Variants in DAB1 observed in about 807,000 individuals in gnomAD.
DAB1 encodes DAB adaptor protein 1.
DAB1 carries 15 observed loss-of-function variants against 64.6 expected under a neutral mutation model. The ratio of observed to expected loss-of-function variants is 0.23; its 90% CI spans 0.16 to 0.36. The LOEUF is 0.36. Among genes scored for constraint, DAB1 ranks in the 10% least tolerant of loss-of-function variants. The pLI is 1.00. For synonymous variants in DAB1, 235 were observed against 251.9 expected (o/e 0.93, Z 0.64); for missense variants, 596 against 706.7 (o/e 0.84, Z 1.78).
At position 58,490,017 on chromosome 1, in the gene DAB1, T is replaced by C. The variant is rs543403318; in HGVS notation, n.257+16043A>G. ...AAAAACAGAGCAGAAAAACTGAAAA[T>C]TCTAAAAATCAGAGTGCCTCTCCTC... is the stretch of plus-strand genomic sequence containing the variant. On this transcript the variant is annotated intron_variant and non_coding_transcript_variant, in intron 3 of 20. Coordinates refer to the DAB1 transcript ENST00000485760. Among the ~76,000 whole-genome samples the C allele has an allele frequency of 2.0e-5, 3 of 151,972 alleles. No individual in the cohort carries two copies. In the East Asian group the frequency reaches 5.8e-4, roughly 29 times the overall value.
intron 3 of DAB1, among the ~76,000 whole-genome samples, chr1:58,365,055 G>A (rs899169810): frequency 1.3e-5 from 2 of 152,088 alleles, no homozygotes; most frequent in Non-Finnish European, 2.9e-5. Context: ...CCCTGCCCTC[G>A]TTGCGTAGAA....
intron 6 of DAB1, among the ~76,000 whole-genome samples, chr1:57,670,833 A>T (rs1646502336): frequency 6.6e-6 from 1 of 152,158 alleles, no homozygotes; most frequent in South Asian, 2.1e-4. Flanking sequence ...CAAAGCAAAC[A>T]GAGTTGTCCC....
intron 1 of DAB1, among the ~76,000 whole-genome samples, chr1:57,371,984 A>C (rs1680532960): frequency 1.3e-5 from 2 of 152,340 alleles, no homozygotes; most frequent in South Asian, 4.1e-4. Context: ...ATCCTGCTTA[A>C]GGTATGTTTG....
intron 1 of DAB1, among the ~76,000 whole-genome samples, chr1:57,881,832 TCAC>T (rs1644148764): frequency 1.3e-5 from 2 of 152,196 alleles, no homozygotes; most frequent in African/African-American, 4.8e-5. Flanking sequence ...ACTGTGCTCA[TCAC>T]CACAATATTT....
At chr1:57,079,031 GCTTT>G (rs1275887240) in intron 4 of DAB1, among the ~76,000 whole-genome samples, 1 of 151,942 alleles carries the variant, frequency 6.6e-6, no homozygotes, top group East Asian at 1.9e-4. Flanking sequence ...GGTATTTTTT[GCTTT>G]GAAGATATAT....
intron 12 of DAB1, 117 bp from the exon 13 acceptor site, chr1:57,011,389 A>G: frequency 2.5e-6 from 3 of 1,205,330 alleles, no homozygotes; most frequent in Non-Finnish European, 3.5e-6. Context: ...TCCTCTTCCT[A>G]TTTCCAGTGG....
chr1:57,454,690 G>A (rs959375039), intron 7 of DAB1, among the ~76,000 whole-genome samples: 3 of 152,048 alleles, frequency 2.0e-5, no homozygotes, highest in African/African-American at 7.2e-5. Flanking sequence ...AAAGGAGAAT[G>A]AGGAAGTCTC....
At chr1:57,510,291 G>A (rs748609635) in intron 7 of DAB1, among the ~76,000 whole-genome samples, 3 of 151,984 alleles carry the variant, frequency 2.0e-5, no homozygotes, top group African/African-American at 4.8e-5. Flanking sequence ...GCTGACCACC[G>A]CCTCCTTCTT....
chr1:58,103,692 G>C (rs1163917744), intron 5 of DAB1, among the ~76,000 whole-genome samples: 1 of 152,028 alleles, frequency 6.6e-6, no homozygotes, highest in Non-Finnish European at 1.5e-5. Flanking sequence ...AACTTACCTT[G>C]ATGACTGGGT....
At chr1:57,349,073 T>A (rs1678359438) in intron 1 of DAB1, among the ~76,000 whole-genome samples, 1 of 152,172 alleles carries the variant, frequency 6.6e-6, no homozygotes, top group African/African-American at 2.4e-5. Context: ...TTCATTTCCC[T>A]CACTGAAAGT....
chr1:58,056,844 C>T (rs1481998201), intron 5 of DAB1, among the ~76,000 whole-genome samples: 2 of 152,090 alleles, frequency 1.3e-5, no homozygotes, highest in African/African-American at 4.8e-5. Flanking sequence ...AAAGTCACTG[C>T]TCTGCTCAAG....
intron 2 of DAB1, among the ~76,000 whole-genome samples, chr1:57,201,975 T>C (rs1665141718): frequency 6.6e-6 from 1 of 152,194 alleles, no homozygotes. Context: ...AACAGGAAAG[T>C]ATTCAAGTTT....
intron 1 of DAB1, among the ~76,000 whole-genome samples, chr1:58,537,429 T>C (rs114348485): frequency 1.4e-3 from 217 of 152,268 alleles, no homozygotes; most frequent in African/African-American, 5.0e-3. Context: ...AACTCCACTA[T>C]CCTCTTTACA....
At chr1:57,896,782 G>A (rs891843845) in intron 5 of DAB1, among the ~76,000 whole-genome samples, 53 of 152,294 alleles carry the variant, frequency 3.5e-4, no homozygotes, top group Non-Finnish European at 1.6e-4. Context: ...CTTAATGAGT[G>A]TCAGCCATTG....
chr1:58,231,327 C>T (rs1659765969), intron 4 of DAB1, among the ~76,000 whole-genome samples: 1 of 152,148 alleles, frequency 6.6e-6, no homozygotes, highest in African/African-American at 2.4e-5. Context: ...CCCAAACATT[C>T]TATCATAGGC....
intron 1 of DAB1, among the ~76,000 whole-genome samples, chr1:57,344,954 T>C (rs1677959143): frequency 6.6e-6 from 1 of 152,172 alleles, no homozygotes; most frequent in Non-Finnish European, 1.5e-5. Flanking sequence ...AACATTGCTG[T>C]TGTTATTATG....
At chr1:58,368,831 T>C (rs1326514390) in intron 3 of DAB1, among the ~76,000 whole-genome samples, 3 of 152,140 alleles carry the variant, frequency 2.0e-5, no homozygotes, top group South Asian at 2.1e-4. Context: ...GAATTAGCAG[T>C]AGCCTGGACA....
chr1:57,149,056 T>C (rs1329689043), intron 2 of DAB1, among the ~76,000 whole-genome samples: 4 of 152,238 alleles, frequency 2.6e-5, no homozygotes, highest in African/African-American at 9.6e-5. Context: ...CCCGTCTTTA[T>C]ACATTTGCCT....
At chr1:58,009,520 T>C (rs1264277568) in intron 5 of DAB1, among the ~76,000 whole-genome samples, 1 of 152,200 alleles carries the variant, frequency 6.6e-6, no homozygotes, top group African/African-American at 2.4e-5. Context: ...ATAGGGTTAA[T>C]AGAGAGATAA....
Sources: allele counts gnomAD v4.1 joint callset (sites outside exome capture counted in the v4.1 genomes callset), GRCh38; gene constraint gnomAD v4.1.1; transcripts MANE v1.5; gene names NCBI Gene and HGNC (gene_info 2026-07-23, HGNC 2026-07-21).